SUGCT: variants seen among roughly 807,000 people sequenced by gnomAD.
The protein encoded by SUGCT is succinyl-CoA:glutarate CoA-transferase.
In SUGCT, 41 loss-of-function variants were observed where a neutral mutation model predicts 55.0. The ratio of observed to expected loss-of-function variants is 0.74; its 90% CI spans 0.58 to 0.97. The LOEUF is 0.97. Ranked by LOEUF, SUGCT falls within the 50% of genes least tolerant of loss-of-function variation. The pLI, the probability that SUGCT is intolerant of heterozygous loss-of-function variation, is 0.00. For missense variants in SUGCT, 568 were observed against 547.8 expected (o/e 1.04, Z -0.37); for synonymous variants, 187 against 200.4 (o/e 0.93, Z 0.56).
chr7:40,576,159 C>G (rs1247059333), intron 12 of SUGCT, among the ~76,000 whole-genome samples: 3 of 152,080 alleles, frequency 2.0e-5, no homozygotes, highest in South Asian at 2.1e-4. Context: ...AACTTTTTAG[C>G]TTTTTGAATA....
At chr7:40,510,280 A>G (rs529546485) in intron 12 of SUGCT, among the ~76,000 whole-genome samples, 10 of 152,236 alleles carry the variant, frequency 6.6e-5, no homozygotes, top group African/African-American at 2.4e-4. Context: ...TTTGTTGAAA[A>G]GACAGAGAAA....
chr7:40,886,191 T>C, the SUGCT span, among the ~76,000 whole-genome samples: 3 of 152,172 alleles, frequency 2.0e-5, no homozygotes, highest in Non-Finnish European at 4.4e-5. Context: ...ATTAAGAATG[T>C]GGACATGCCA....
At chr7:40,677,998 C>T (rs1784079274) in intron 12 of SUGCT, among the ~76,000 whole-genome samples, 1 of 152,164 alleles carries the variant, frequency 6.6e-6, no homozygotes, top group African/African-American at 2.4e-5. Context: ...TATTAGTGGT[C>T]AGCTTCAGTT....
At chr7:40,535,510 C>T (rs545920278) in intron 12 of SUGCT, among the ~76,000 whole-genome samples, 1 of 152,214 alleles carries the variant, frequency 6.6e-6, no homozygotes, top group Non-Finnish European at 1.5e-5. Flanking sequence ...GAACACAGAA[C>T]TGCCATTCAG....
At chr7:40,788,005 G>A (rs995866847) in intron 13 of SUGCT, among the ~76,000 whole-genome samples, 2 of 152,132 alleles carry the variant, frequency 1.3e-5, no homozygotes, top group African/African-American at 4.8e-5. Context: ...AGCCTGGACT[G>A]TTATCTTCCA....
chr7:40,890,954 A>G, the SUGCT span, among the ~76,000 whole-genome samples: 1 of 152,194 alleles, frequency 6.6e-6, no homozygotes, highest in Non-Finnish European at 1.5e-5. Context: ...TAGAAATTCA[A>G]CAAAGAGAGA....
At chr7:40,441,030 T>G (rs935359777) in intron 9 of SUGCT, among the ~76,000 whole-genome samples, 1 of 152,154 alleles carries the variant, frequency 6.6e-6, no homozygotes, top group South Asian at 2.1e-4. Context: ...TAATTACTTA[T>G]GTGAATGTTT....
chr7:40,242,933 A>ATATATATATATATGTATATTTTTT (rs1270335224), intron 7 of SUGCT, among the ~76,000 whole-genome samples: 2 of 17,204 alleles, frequency 1.2e-4, no homozygotes, highest in African/African-American at 3.0e-4. Flanking sequence ...ATATATATAT[A>ATATATATATATATGTATATTTTTT]TTTTTTTTTT....
In SUGCT at chr7:40,276,312, A is replaced by G. The variant is rs545826233; in HGVS notation, c.720+1656A>G. ...TTCCTCTAATTTTAAGCTGTAAGGA[A>G]CCTGAGGTAGGGTAAGCAACTGCAT... On this transcript the variant is annotated intron_variant, in intron 8 of 13. Transcript: ENST00000335693. Among the ~76,000 whole-genome samples, 16 of 152,280 alleles carry G rather than the reference A, an allele frequency of 1.1e-4. No homozygotes were observed. In the East Asian group the frequency reaches 2.7e-3, roughly 26 times the overall value.
At chr7:40,350,159 T>G (rs1420620107) in intron 9 of SUGCT, among the ~76,000 whole-genome samples, 1 of 151,924 alleles carries the variant, frequency 6.6e-6, no homozygotes, top group East Asian at 1.9e-4. Context: ...TTTCATATAA[T>G]TGATATATGT....
At chr7:40,462,332 G>A (rs1305452083) in intron 11 of SUGCT, among the ~76,000 whole-genome samples, 1 of 152,170 alleles carries the variant, frequency 6.6e-6, no homozygotes, top group Non-Finnish European at 1.5e-5. Context: ...GAGGGAGCAA[G>A]AGAAGAGGGG....
At chr7:40,898,095 C>G in the SUGCT span, among the ~76,000 whole-genome samples, 1 of 152,138 alleles carries the variant, frequency 6.6e-6, no homozygotes, top group Non-Finnish European at 1.5e-5. Flanking sequence ...AGCTGTAACA[C>G]TCACCCAGAA....
At chr7:40,713,415 G>T (rs776213462) in intron 12 of SUGCT, among the ~76,000 whole-genome samples, 15 of 152,154 alleles carry the variant, frequency 9.9e-5, no homozygotes, top group Admixed American at 7.9e-4. Context: ...GTTATCTTCT[G>T]CAGGCCTCTT....
At chr7:40,660,725 A>C (rs1801260967) in intron 12 of SUGCT, among the ~76,000 whole-genome samples, 1 of 152,218 alleles carries the variant, frequency 6.6e-6, no homozygotes, top group Non-Finnish European at 1.5e-5. Context: ...GTGCCACCTC[A>C]GAAAACTTTG....
At chr7:40,315,153 A>G (rs1795360730) in intron 8 of SUGCT, among the ~76,000 whole-genome samples, 1 of 152,186 alleles carries the variant, frequency 6.6e-6, no homozygotes, top group Admixed American at 6.5e-5. Flanking sequence ...GAAATGCCCA[A>G]GACTTTATAG....
chr7:40,468,459 C>T (rs1790238826), intron 11 of SUGCT, among the ~76,000 whole-genome samples: 1 of 152,014 alleles, frequency 6.6e-6, no homozygotes. Flanking sequence ...ATCTTTCTGC[C>T]CCTACTCTGC....
At chr7:40,248,888 G>GCACACACACACA (rs34780979) in intron 7 of SUGCT, among the ~76,000 whole-genome samples, 180 of 135,568 alleles carry the variant, frequency 1.3e-3, no homozygotes, top group African/African-American at 2.7e-3. Context: ...GCGCGCGCTC[G>GCACACACACACA]CACACACACA....
the SUGCT span, among the ~76,000 whole-genome samples, chr7:41,027,844 C>A: frequency 6.6e-6 from 1 of 152,188 alleles, no homozygotes; most frequent in East Asian, 1.9e-4. Context: ...TCTACGTTAG[C>A]TGAGTAATCA....
chr7:40,686,513 G>A (rs188103787), intron 12 of SUGCT, among the ~76,000 whole-genome samples: 44 of 152,176 alleles, frequency 2.9e-4, no homozygotes, highest in Non-Finnish European at 5.0e-4. Flanking sequence ...ATTTCAGAGC[G>A]TGGCATTGAT....
Sources: allele counts gnomAD v4.1 joint callset (sites outside exome capture counted in the v4.1 genomes callset), GRCh38; gene constraint gnomAD v4.1.1; transcripts MANE v1.5; gene names NCBI Gene and HGNC (gene_info 2026-07-23, HGNC 2026-07-21).